Variants in SLC10A7 observed in about 807,000 individuals in gnomAD.
The protein encoded by SLC10A7 is solute carrier family 10 member 7, also known as sodium/bile acid cotransporter 7.
SLC10A7 carries 29 observed loss-of-function variants against 43.2 expected under a neutral mutation model. That is an observed-to-expected ratio of 0.67 (90% confidence interval 0.50 to 0.92). The LOEUF (loss-of-function observed/expected upper bound fraction) is 0.92. SLC10A7 is among the 40% of genes least tolerant of loss of function. SLC10A7 has a pLI of 0.00. For missense variants in SLC10A7, 295 were observed against 403.2 expected, an observed-to-expected ratio of 0.73 and a Z score of 2.30; for synonymous variants, 152 against 144.8, an observed-to-expected ratio of 1.05 and a Z score of -0.35.
At chr4:146,441,347 A>G (rs748409991) in intron 5 of SLC10A7, among the ~76,000 whole-genome samples, 9 of 152,200 alleles carry the variant, frequency 5.9e-5, no homozygotes, top group Non-Finnish European at 1.2e-4. Context: ...TAGTCAGTGC[A>G]TGTCTCAAAC....
intron 4 of SLC10A7, among the ~76,000 whole-genome samples, chr4:146,488,299 A>G (rs1172373603): frequency 6.6e-6 from 1 of 152,194 alleles, no homozygotes; most frequent in Non-Finnish European, 1.5e-5. Context: ...TATTAAATAT[A>G]TTTTAATTCT....
intron 5 of SLC10A7, among the ~76,000 whole-genome samples, chr4:146,432,714 T>A (rs550546002): frequency 6.6e-6 from 1 of 152,286 alleles, no homozygotes; most frequent in African/African-American, 2.4e-5. Flanking sequence ...GGACTATACC[T>A]CTGAAATGCA....
chr4:146,376,674 C>A (rs930758471), intron 5 of SLC10A7, among the ~76,000 whole-genome samples: 2 of 152,138 alleles, frequency 1.3e-5, no homozygotes, highest in Non-Finnish European at 2.9e-5. Flanking sequence ...TTCCCCAGTG[C>A]CATAAAGAAA....
intron 5 of SLC10A7, among the ~76,000 whole-genome samples, chr4:146,354,371 G>A (rs541949692): frequency 6.6e-6 from 1 of 152,224 alleles, no homozygotes; most frequent in African/African-American, 2.4e-5. Context: ...ACAAACCACT[G>A]CTCAAGGAAA....
rs942577751 is a variant in SLC10A7, at chr4:146,255,884, A to G, written c.*607T>C. ...TGAAGCAGCTTATAATAAATTTAAGACATATAACCACAATCTCTCATAATG... is the reference window on the plus strand; with the variant it reads ...TGAAGCAGCTTATAATAAATTTAAGGCATATAACCACAATCTCTCATAATG... On this transcript the variant is annotated 3_prime_UTR_variant, in exon 12 of 12. Transcript: ENST00000335472. 1 of 152,238 alleles carries G rather than the reference A, an allele frequency of 6.6e-6. No homozygotes were observed. The highest frequency in any genetic ancestry group is 1.5e-5 in the Non-Finnish European group (1 of 68,034). 9.4% of individuals were successfully genotyped at this position (152,238 alleles called of 1,614,324 possible).
At position 146,273,415 on chromosome 4, in the gene SLC10A7, C is replaced by T. The variant is rs144519044; in HGVS notation, c.847+9777G>A. ...AATTAGAGACCTGAGTTTAAATCCT[C>T]ACTGTACCACCCACCAGCTATATAA... On this transcript the variant is annotated intron_variant, in intron 10 of 11. Coordinates refer to ENST00000335472, the MANE Select transcript of SLC10A7 (RefSeq NM_001029998.6). Among the ~76,000 whole-genome samples the T allele has an allele frequency of 2.6e-5, 4 of 152,236 alleles. No individual in the cohort carries two copies. The East Asian group carries it at 7.7e-4, about 29-fold the overall frequency.
At chr4:146,351,717 T>G in intron 5 of SLC10A7, among the ~76,000 whole-genome samples, 1 of 147,302 alleles carries the variant, frequency 6.8e-6, no homozygotes, top group Non-Finnish European at 1.5e-5. Context: ...CAGAAGAGAG[T>G]GGGGGCCAAT....
chr4:146,340,502 CAT>C (rs763047105), intron 5 of SLC10A7, among the ~76,000 whole-genome samples: 1 of 148,678 alleles, frequency 6.7e-6, no homozygotes, highest in African/African-American at 2.5e-5. Context: ...TACACATATA[CAT>C]ATATATGTGT....
chr4:146,490,162 T>C (rs762086241), intron 4 of SLC10A7, among the ~76,000 whole-genome samples: 17 of 152,206 alleles, frequency 1.1e-4, no homozygotes, highest in Non-Finnish European at 8.8e-5. Flanking sequence ...AATGTGACTA[T>C]ATAGCCTATC....
At position 146,521,897 on chromosome 4, in the gene SLC10A7, G is replaced by A; in HGVS notation, c.-180C>T. 8.6e-6 allele frequency: 5 copies of A among 581,654 alleles called. No individual in the cohort carries two copies. In the South Asian group the frequency reaches 1.1e-4, roughly 12 times the overall value. The allele number at this position is 581,654 out of a possible 1,614,324, so 36.0% of individuals were successfully genotyped here. A position where few individuals can be genotyped will look rare whatever the true frequency, so the allele number is the denominator to read the frequency against. ...GGGTTGCTCCGGCGGCTTTGAGGAG[G>A]GTTGGGAGTAGTAGTAGCCAGTGAC... On this transcript the variant is annotated 5_prime_UTR_variant, in exon 1 of 12. Coordinates refer to ENST00000335472, the MANE Select transcript of SLC10A7 (RefSeq NM_001029998.6).
At chr4:146,481,384 C>A (rs1734462017) in intron 4 of SLC10A7, among the ~76,000 whole-genome samples, 1 of 151,314 alleles carries the variant, frequency 6.6e-6, no homozygotes, top group African/African-American at 2.4e-5. Context: ...AAAGTGGCAT[C>A]TTACCATGCC....
At chr4:146,517,609 T>C (rs1039960348) in intron 1 of SLC10A7, among the ~76,000 whole-genome samples, 6 of 152,084 alleles carry the variant, frequency 3.9e-5, no homozygotes, top group African/African-American at 1.4e-4. Context: ...CAGAGAGCAT[T>C]TTCCAGAGGG....
rs201055964 is a variant in SLC10A7 at position 146,423,193 on chromosome 4, AT to A, written c.435+19589del. 4.1e-3 allele frequency among the ~76,000 whole-genome samples: 624 copies of A among 151,710 alleles called. 2 individuals carry two copies. The highest frequency in any genetic ancestry group is 0.014 in the African/African-American group (592 of 41,402). On this transcript the variant is annotated intron_variant, in intron 5 of 11. Coordinates refer to ENST00000335472, the MANE Select transcript of SLC10A7 (RefSeq NM_001029998.6). ...AAATGCATTTTTCCAAACTGTATAA[AT>A]TTTTTTTTGCTAAAATTCTAAGTTC... is the stretch of plus-strand genomic sequence containing the variant.
At chr4:146,265,036 G>A (rs1560745315) in intron 10 of SLC10A7, among the ~76,000 whole-genome samples, 1 of 152,118 alleles carries the variant, frequency 6.6e-6, no homozygotes, top group Non-Finnish European at 1.5e-5. Context: ...ACTTTCCAGT[G>A]TCCATTCATC....
At chr4:146,453,561 C>T (rs534803595) in intron 4 of SLC10A7, among the ~76,000 whole-genome samples, 1 of 152,040 alleles carries the variant, frequency 6.6e-6, no homozygotes, top group African/African-American at 2.4e-5. Flanking sequence ...CTTTCACAAG[C>T]TGTATTTTTA....
intron 5 of SLC10A7, among the ~76,000 whole-genome samples, chr4:146,362,308 A>C (rs1171374077): frequency 3.9e-5 from 6 of 152,106 alleles, no homozygotes; most frequent in Admixed American, 3.9e-4. Context: ...TAATAATCCA[A>C]CTCTCAAAGG....
At chr4:146,377,871 C>A (rs1329519506) in intron 5 of SLC10A7, among the ~76,000 whole-genome samples, 1 of 152,058 alleles carries the variant, frequency 6.6e-6, no homozygotes, top group Non-Finnish European at 1.5e-5. Flanking sequence ...TTTAAAATTG[C>A]CAACAAAATT....
chr4:146,361,218 A>G (rs962275950), intron 5 of SLC10A7, among the ~76,000 whole-genome samples: 2 of 152,224 alleles, frequency 1.3e-5, no homozygotes, highest in African/African-American at 4.8e-5. Flanking sequence ...TGTGGCACTC[A>G]TATAATGCCT....
intron 5 of SLC10A7, among the ~76,000 whole-genome samples, chr4:146,356,157 ATACT>A (rs1409475153): frequency 1.3e-4 from 20 of 151,294 alleles, no homozygotes; most frequent in East Asian, 1.9e-4. Context: ...GCTCTCATGC[ATACT>A]TACTTAAAGA....
Sources: allele counts gnomAD v4.1 joint callset (sites outside exome capture counted in the v4.1 genomes callset), GRCh38; gene constraint gnomAD v4.1.1; transcripts MANE v1.5; gene names NCBI Gene and HGNC (gene_info 2026-07-23, HGNC 2026-07-21).